FAM135B: variants seen among roughly 807,000 people sequenced by gnomAD.
FAM135B encodes protein FAM135B.
In FAM135B, 43 loss-of-function variants were observed where a neutral mutation model predicts 127.7. That is an observed-to-expected ratio of 0.34 (90% confidence interval 0.26 to 0.43). The LOEUF (loss-of-function observed/expected upper bound fraction) is 0.43. Among genes scored for constraint, FAM135B ranks in the 20% least tolerant of loss-of-function variants. The pLI, the probability that FAM135B is intolerant of heterozygous loss-of-function variation, is 1.00. For missense variants in FAM135B, 1,558 were observed against 1,725.6 expected, an observed-to-expected ratio of 0.90 and a Z score of 1.72; for synonymous variants, 670 against 665.1, an observed-to-expected ratio of 1.01 and a Z score of -0.11.
At position 138,192,713 on chromosome 8, in the gene FAM135B, T is replaced by A. The variant is rs72721693; in HGVS notation, c.873+2545A>T. Among the ~76,000 whole-genome samples the A allele has an allele frequency of 9.3e-3, 1,420 of 152,212 alleles. 8 individuals carry two copies. The highest frequency in any genetic ancestry group is 0.016 in the Non-Finnish European group (1,065 of 67,998). Reference sequence around the variant, plus strand: ...GACTCACTGGCCCCTACTCAGCAAATTATTCTTAAAAACTCAGATCCCCAA... The same window carrying A: ...GACTCACTGGCCCCTACTCAGCAAAATATTCTTAAAAACTCAGATCCCCAA... On this transcript the variant is annotated intron_variant, in intron 9 of 19. Coordinates refer to ENST00000395297, the MANE Select transcript of FAM135B (RefSeq NM_015912.4).
chr8:138,494,486 T>C (rs1384691050), intron 1 of FAM135B, among the ~76,000 whole-genome samples: 2 of 152,072 alleles, frequency 1.3e-5, no homozygotes, highest in East Asian at 3.9e-4. Flanking sequence ...CATGAGAGAA[T>C]ATGGGAAAGC....
intron 1 of FAM135B, among the ~76,000 whole-genome samples, chr8:138,404,471 T>A (rs1833338239): frequency 1.3e-5 from 2 of 152,142 alleles, no homozygotes; most frequent in Non-Finnish European, 2.9e-5. Context: ...AACAATGAAG[T>A]TTGCCATGTC....
intron 4 of FAM135B, among the ~76,000 whole-genome samples, chr8:138,260,127 G>C (rs1251363194): frequency 6.6e-6 from 1 of 152,180 alleles, no homozygotes; most frequent in Admixed American, 6.5e-5. Context: ...CTACTCAGGG[G>C]TCAGCAGAAG....
At chr8:138,369,762 T>G (rs1156307080) in intron 1 of FAM135B, among the ~76,000 whole-genome samples, 1 of 152,202 alleles carries the variant, frequency 6.6e-6, no homozygotes, top group African/African-American at 2.4e-5. Context: ...GAAGCCACCC[T>G]GTGCTTCCCT....
At chr8:138,196,330 C>T (rs1251159768) in intron 8 of FAM135B, among the ~76,000 whole-genome samples, 1 of 152,162 alleles carries the variant, frequency 6.6e-6, no homozygotes, top group Non-Finnish European at 1.5e-5. Context: ...TCAGTGATTG[C>T]ATGATTCAAA....
chr8:138,457,200 GAC>G (rs1325645686), intron 1 of FAM135B, among the ~76,000 whole-genome samples: 1 of 152,060 alleles, frequency 6.6e-6, no homozygotes, highest in Admixed American at 6.5e-5. Context: ...AGTGTGTGCC[GAC>G]ACACAGAGGG....
At chr8:138,310,265 C>A (rs185723038) in intron 3 of FAM135B, among the ~76,000 whole-genome samples, 13 of 152,266 alleles carry the variant, frequency 8.5e-5, no homozygotes, top group African/African-American at 2.9e-4. Context: ...TTATGTCTGT[C>A]TTTATTTCTG....
At chr8:138,259,750 A>G (rs1252479782) in intron 4 of FAM135B, among the ~76,000 whole-genome samples, 1 of 152,196 alleles carries the variant, frequency 6.6e-6, no homozygotes, top group Non-Finnish European at 1.5e-5. Flanking sequence ...TCTGTAAAAC[A>G]GGAGTAGTAA....
chr8:138,426,054 T>TATA (rs1359672722), intron 1 of FAM135B, among the ~76,000 whole-genome samples: 4 of 74,974 alleles, frequency 5.3e-5, no homozygotes, highest in African/African-American at 3.3e-4. Context: ...CACACACATA[T>TATA]ATATATACAC....
At chr8:138,203,075 T>G (rs1235471885) in intron 7 of FAM135B, among the ~76,000 whole-genome samples, 1 of 152,238 alleles carries the variant, frequency 6.6e-6, no homozygotes, top group Non-Finnish European at 1.5e-5. Flanking sequence ...ACTTGATAAC[T>G]GTTAGATAAG....
intron 4 of FAM135B, among the ~76,000 whole-genome samples, chr8:138,263,516 C>A (rs1822696428): frequency 6.6e-6 from 1 of 152,186 alleles, no homozygotes; most frequent in Non-Finnish European, 1.5e-5. Flanking sequence ...CGAAAGCTAG[C>A]CAGCATGGCT....
chr8:138,186,477 G>A (rs1209666516), intron 9 of FAM135B, among the ~76,000 whole-genome samples: 2 of 152,200 alleles, frequency 1.3e-5, no homozygotes, highest in East Asian at 1.9e-4. Context: ...AGGAGCTGGC[G>A]ATGCTCTACC....
chr8:138,219,533 G>A (rs1286788073), intron 7 of FAM135B, among the ~76,000 whole-genome samples: 1 of 152,160 alleles, frequency 6.6e-6, no homozygotes, highest in East Asian at 1.9e-4. Flanking sequence ...TAAAATCTGC[G>A]TAAATATTTG....
chr8:138,430,783 T>C (rs890185654), intron 1 of FAM135B, among the ~76,000 whole-genome samples: 3 of 152,178 alleles, frequency 2.0e-5, no homozygotes, highest in African/African-American at 7.2e-5. Context: ...ACAGGCATCT[T>C]TGGGAATAAA....
At chr8:138,419,967 G>T (rs62527826) in intron 1 of FAM135B, among the ~76,000 whole-genome samples, 67 of 151,944 alleles carry the variant, frequency 4.4e-4, no homozygotes, top group Non-Finnish European at 7.8e-4. Context: ...TCCAAAGCTA[G>T]CAAAAGAAAA....
chr8:138,287,385 T>A (rs1286357117), intron 3 of FAM135B, among the ~76,000 whole-genome samples: 1 of 151,368 alleles, frequency 6.6e-6, no homozygotes, highest in Non-Finnish European at 1.5e-5. Context: ...AATAAATAAA[T>A]ATTTCCATAA....
At chr8:138,218,804 GGGAGAGAA>G (rs1563784012) in intron 7 of FAM135B, among the ~76,000 whole-genome samples, 2 of 21,740 alleles carry the variant, frequency 9.2e-5, no homozygotes, top group Admixed American at 7.0e-4. Flanking sequence ...GAGAGAGAGA[GGGAGAGAA>G]AGAGAGAGAG....
intron 1 of FAM135B, among the ~76,000 whole-genome samples, chr8:138,375,313 G>A (rs1057313778): frequency 6.6e-6 from 1 of 152,080 alleles, no homozygotes; most frequent in Non-Finnish European, 1.5e-5. Context: ...CTAGATTTAC[G>A]AAGTACCATG....
At chr8:138,145,915 A>T (rs766792613) in intron 15 of FAM135B, 44 bp downstream of exon 15, 1 of 1,002,818 alleles carries the variant, frequency 1.0e-6, no homozygotes, top group African/African-American at 1.6e-5. Flanking sequence ...TCATATAAGC[A>T]TGCATCCAGG....
Sources: allele counts gnomAD v4.1 joint callset (sites outside exome capture counted in the v4.1 genomes callset), GRCh38; gene constraint gnomAD v4.1.1; transcripts MANE v1.5; gene names NCBI Gene and HGNC (gene_info 2026-07-23, HGNC 2026-07-21).